CCDC3: variants seen among roughly 807,000 people sequenced by gnomAD.
The protein encoded by CCDC3 is coiled-coil domain-containing protein 3.
CCDC3 carries 24 observed loss-of-function variants against 21.4 expected under a neutral mutation model. The observed-to-expected ratio is 1.12, with a 90% CI of 0.81 to 1.58. The LOEUF is 1.58. Among genes scored for constraint, CCDC3 ranks in the 40% most tolerant of loss-of-function variants. CCDC3 has a pLI of 0.00. For missense variants in CCDC3, 425 were observed against 360.9 expected (o/e 1.18, Z -1.44); for synonymous variants, 186 against 166.0 (o/e 1.12, Z -0.93).
intron 3 of CCDC3, among the ~76,000 whole-genome samples, chr10:13,092,782 C>T (rs919158343): frequency 6.6e-6 from 1 of 152,192 alleles, no homozygotes; most frequent in Non-Finnish European, 1.5e-5. Flanking sequence ...CTGTGCAGAT[C>T]TGATGAGACC....
intron 5 of CCDC3, among the ~76,000 whole-genome samples, chr10:13,031,696 G>C (rs1836305486): frequency 6.6e-6 from 1 of 152,172 alleles, no homozygotes; most frequent in Non-Finnish European, 1.5e-5. Context: ...ACTACCATCA[G>C]AGAATACTAT....
chr10:13,044,649 G>T (rs1836500866), intron 5 of CCDC3, among the ~76,000 whole-genome samples: 1 of 152,112 alleles, frequency 6.6e-6, no homozygotes, highest in Non-Finnish European at 1.5e-5. Flanking sequence ...AAGATCAGAT[G>T]GCTGCAGGTG....
chr10:13,089,019 A>T (rs10906298), intron 3 of CCDC3, among the ~76,000 whole-genome samples: 31,693 of 151,746 alleles, frequency 0.21, 3,621 homozygotes, highest in Middle Eastern at 0.3. Flanking sequence ...AAAAAAAAAA[A>T]AAATAAAAGA....
chr10:13,051,661 T>C (rs1445172322), intron 4 of CCDC3, among the ~76,000 whole-genome samples: 1 of 152,028 alleles, frequency 6.6e-6, no homozygotes, highest in Non-Finnish European at 1.5e-5. Flanking sequence ...CTGGGGAATA[T>C]CTAAAGTCTG....
intron 2 of CCDC3, among the ~76,000 whole-genome samples, chr10:12,899,391 T>C (rs1266902275): frequency 6.6e-6 from 1 of 152,158 alleles, no homozygotes; most frequent in Non-Finnish European, 1.5e-5. Context: ...AGTGTTGACA[T>C]CTATAAAGAC....
intron 1 of CCDC3, among the ~76,000 whole-genome samples, chr10:13,000,012 C>A (rs1332345071): frequency 6.6e-6 from 1 of 152,204 alleles, no homozygotes; most frequent in African/African-American, 2.4e-5. Context: ...CTTAGATATT[C>A]TGGCTTCAAT....
intron 2 of CCDC3, among the ~76,000 whole-genome samples, chr10:12,972,257 A>G (rs757020970): frequency 1.4e-4 from 21 of 152,118 alleles, no homozygotes; most frequent in Middle Eastern, 3.2e-3. Flanking sequence ...TTTACAACCA[A>G]GCAGCCTCCA....
intron 2 of CCDC3, among the ~76,000 whole-genome samples, chr10:12,966,150 TCA>T (rs1476772596): frequency 9.2e-6 from 1 of 108,686 alleles, no homozygotes; most frequent in East Asian, 3.5e-4. Flanking sequence ...GCCCACAAAC[TCA>T]GTTTCTCGTT....
At chr10:12,940,048 A>T (rs1381119260) in intron 2 of CCDC3, among the ~76,000 whole-genome samples, 1 of 152,164 alleles carries the variant, frequency 6.6e-6, no homozygotes, top group East Asian at 1.9e-4. Flanking sequence ...CTTCTGTGTT[A>T]ATATATCTGA....
At chr10:12,983,093 T>C (rs1055196260) in intron 2 of CCDC3, among the ~76,000 whole-genome samples, 26 of 145,236 alleles carry the variant, frequency 1.8e-4, no homozygotes, top group African/African-American at 4.5e-4. Context: ...CCCTGGGTGA[T>C]GGCTGTCTCA....
intron 4 of CCDC3, among the ~76,000 whole-genome samples, chr10:13,067,348 T>G (rs1836833289): frequency 6.6e-6 from 1 of 152,220 alleles, no homozygotes; most frequent in African/African-American, 2.4e-5. Flanking sequence ...AAACTATTTT[T>G]TCCTTTTCTC....
chr10:12,931,877 A>G (rs901424213), intron 2 of CCDC3, among the ~76,000 whole-genome samples: 1 of 152,236 alleles, frequency 6.6e-6, no homozygotes, highest in Non-Finnish European at 1.5e-5. Flanking sequence ...ACCTGTAAGT[A>G]AAACTCAGAG....
At chr10:13,087,404 C>CAA (rs56772902) in intron 3 of CCDC3, among the ~76,000 whole-genome samples, 92 of 125,762 alleles carry the variant, frequency 7.3e-4, no homozygotes, top group East Asian at 4.1e-3. Flanking sequence ...AACTCCATCT[C>CAA]AAAAAAAAAA....
chr10:13,015,677 A>T (rs1836048286), intron 5 of CCDC3, among the ~76,000 whole-genome samples: 1 of 152,034 alleles, frequency 6.6e-6, no homozygotes, highest in South Asian at 2.1e-4. Context: ...TGTATATCAG[A>T]CACTGGAAAG....
intron 2 of CCDC3, among the ~76,000 whole-genome samples, chr10:12,969,698 T>A (rs970692833): frequency 9.4e-5 from 14 of 149,152 alleles, no homozygotes; most frequent in East Asian, 3.9e-4. Flanking sequence ...TTTAATATTT[T>A]AAAAAATATT....
intron 2 of CCDC3, among the ~76,000 whole-genome samples, chr10:12,925,865 A>C (rs1176205674): frequency 6.6e-6 from 1 of 152,274 alleles, no homozygotes; most frequent in African/African-American, 2.4e-5. Flanking sequence ...GGATGATCTG[A>C]CTGGGATTGT....
At chr10:13,022,585 A>G (rs1212455279) in intron 5 of CCDC3, among the ~76,000 whole-genome samples, 1 of 152,182 alleles carries the variant, frequency 6.6e-6, no homozygotes, top group Admixed American at 6.5e-5. Flanking sequence ...TTTAATTTAA[A>G]GTAATGGCAA....
intron 2 of CCDC3, among the ~76,000 whole-genome samples, chr10:12,916,833 CCTGTCTGGTGCTGGGGT>C (rs1834365583): frequency 6.6e-6 from 1 of 152,194 alleles, no homozygotes; most frequent in Admixed American, 6.5e-5. Context: ...GCTGCAGGGG[CCTGTCTGGTGCTGGGGT>C]GGATCTGAAG....
At chr10:12,911,178 C>A (rs1174911752) in intron 2 of CCDC3, among the ~76,000 whole-genome samples, 1 of 146,308 alleles carries the variant, frequency 6.8e-6, no homozygotes, top group Non-Finnish European at 1.5e-5. Context: ...CCATAAGTCA[C>A]CTCTCCTAAT....
Sources: gnomAD v4.1 joint callset for allele counts (sites outside exome capture counted in the v4.1 genomes callset) on GRCh38, gnomAD v4.1.1 for gene constraint, MANE v1.5 for transcripts, NCBI Gene and HGNC (gene_info 2026-07-23, HGNC 2026-07-21) for gene names.